The following SUMF1 variants were observed in gnomAD, a reference collection of about 807,000 sequenced individuals.
SUMF1 encodes sulfatase modifying factor 1.
In SUMF1, 48 loss-of-function variants were observed where a neutral mutation model predicts 47.6. That is an observed-to-expected ratio of 1.01 (90% CI 0.80 to 1.28). The LOEUF (loss-of-function observed/expected upper bound fraction) is 1.28. Ranked by LOEUF, SUMF1 falls within the 50% of genes most tolerant of loss-of-function variation. SUMF1 has a pLI of 0.00. For synonymous variants in SUMF1, 230 were observed against 192.1 expected, an observed-to-expected ratio of 1.20 and a Z score of -1.63; for missense variants, 571 against 485.4, an observed-to-expected ratio of 1.18 and a Z score of -1.66.
At chr3:4,243,489 A>G (rs1309096776) in intron 8 of SUMF1, among the ~76,000 whole-genome samples, 6 of 152,182 alleles carry the variant, frequency 3.9e-5, no homozygotes, top group Non-Finnish European at 8.8e-5. Context: ...TTCAAAGAAC[A>G]TCTTTATTTC....
intron 8 of SUMF1, among the ~76,000 whole-genome samples, chr3:4,339,970 G>C (rs144551421): frequency 6.6e-6 from 1 of 152,040 alleles, no homozygotes; most frequent in Admixed American, 6.5e-5. Context: ...CCAGCCACTC[G>C]GGAGGCTGAG....
chr3:4,440,300 G>C (rs1488478668), intron 3 of SUMF1, among the ~76,000 whole-genome samples: 1 of 148,184 alleles, frequency 6.7e-6, no homozygotes, highest in East Asian at 2.0e-4. Flanking sequence ...CATGTGTTTT[G>C]AGTTATTTTA....
At chr3:4,230,266 G>T (rs528218232) in intron 8 of SUMF1, among the ~76,000 whole-genome samples, 1 of 151,958 alleles carries the variant, frequency 6.6e-6, no homozygotes, top group Non-Finnish European at 1.5e-5. Context: ...GTTAAACTTC[G>T]CAGGTTTAAA....
intron 8 of SUMF1, among the ~76,000 whole-genome samples, chr3:4,284,776 G>A (rs544714685): frequency 2.3e-4 from 35 of 152,120 alleles, no homozygotes; most frequent in African/African-American, 8.2e-4. Context: ...AGAAGCATGG[G>A]GGGTAATTTG....
At chr3:4,335,870 G>C (rs1464189912) in intron 8 of SUMF1, among the ~76,000 whole-genome samples, 1 of 142,168 alleles carries the variant, frequency 7.0e-6, no homozygotes, top group African/African-American at 2.6e-5. Flanking sequence ...TGAGGCAGGA[G>C]AATTGCTTGA....
intron 8 of SUMF1, among the ~76,000 whole-genome samples, chr3:4,318,769 A>T (rs1193985722): frequency 2.0e-5 from 3 of 152,276 alleles, no homozygotes; most frequent in South Asian, 4.1e-4. Flanking sequence ...TAAGCTGGGC[A>T]TAGTGGCACA....
At chr3:4,067,754 G>A (rs1195391757) in intron 9 of SUMF1, among the ~76,000 whole-genome samples, 1 of 152,136 alleles carries the variant, frequency 6.6e-6, no homozygotes, top group Admixed American at 6.6e-5. Context: ...TCCTGCAGGT[G>A]CCCAGCCCTA....
intron 8 of SUMF1, among the ~76,000 whole-genome samples, chr3:4,370,749 T>A (rs1483253086): frequency 1.3e-5 from 2 of 152,236 alleles, no homozygotes; most frequent in Non-Finnish European, 2.9e-5. Context: ...CTATCAATTG[T>A]TTTCTTTAGA....
At chr3:4,389,708 T>C (rs1277120315) in intron 7 of SUMF1, among the ~76,000 whole-genome samples, 1 of 152,192 alleles carries the variant, frequency 6.6e-6, no homozygotes, top group Non-Finnish European at 1.5e-5. Context: ...TAGTTGACAG[T>C]TCACTGATTT....
In SUMF1 at chr3:4,376,326, T is replaced by C; in HGVS notation, c.1014+4A>G. On this transcript the variant is annotated splice_donor_region_variant and intron_variant, in intron 8 of 8. Transcript: ENST00000272902. The stretch of plus-strand genomic sequence containing the variant: ...CGGCAAAACAGTTTAGTGACATGAC[T>C]TACCCTATGGCACATGTAGGATCCA... 6.2e-7 allele frequency: 1 copy of C among 1,614,158 alleles called. No homozygotes were observed.
intron 9 of SUMF1, among the ~76,000 whole-genome samples, chr3:4,061,897 G>A (rs930009943): frequency 6.6e-6 from 1 of 152,070 alleles, no homozygotes; most frequent in African/African-American, 2.4e-5. Context: ...GCCGCTTTAG[G>A]CTACACTTAA....
chr3:4,076,043 A>G (rs868162253), intron 8 of SUMF1, among the ~76,000 whole-genome samples: 1 of 152,170 alleles, frequency 6.6e-6, no homozygotes, highest in East Asian at 1.9e-4. Flanking sequence ...GACAATCCTA[A>G]GCAAAAAGAA....
At chr3:4,287,638 G>A (rs528803822) in intron 8 of SUMF1, among the ~76,000 whole-genome samples, 2 of 152,270 alleles carry the variant, frequency 1.3e-5, no homozygotes, top group East Asian at 1.9e-4. Flanking sequence ...TTGAAACCAT[G>A]ACCTACCTAG....
chr3:4,408,603 G>C (rs1701444864), intron 7 of SUMF1, among the ~76,000 whole-genome samples: 1 of 152,164 alleles, frequency 6.6e-6, no homozygotes, highest in Non-Finnish European at 1.5e-5. Flanking sequence ...CAAGGTGTGA[G>C]GATTGCTTGA....
At chr3:4,173,849 G>A (rs1694891107) in intron 8 of SUMF1, among the ~76,000 whole-genome samples, 1 of 152,100 alleles carries the variant, frequency 6.6e-6, no homozygotes, top group African/African-American at 2.4e-5. Context: ...TGGACACAGG[G>A]AGGGGAACAT....
intron 8 of SUMF1, among the ~76,000 whole-genome samples, chr3:4,221,430 T>TGC (rs1696061762): frequency 6.6e-6 from 1 of 151,640 alleles, no homozygotes; most frequent in African/African-American, 2.4e-5. Flanking sequence ...TGTGTGTGTG[T>TGC]GTGTGTGTGT....
chr3:4,293,451 C>G (rs1697780148), intron 8 of SUMF1, among the ~76,000 whole-genome samples: 1 of 152,094 alleles, frequency 6.6e-6, no homozygotes, highest in Admixed American at 6.6e-5. Context: ...TTTTTAAAAG[C>G]CCGAAAAGAT....
intron 8 of SUMF1, among the ~76,000 whole-genome samples, chr3:4,250,920 G>T (rs1310471052): frequency 6.6e-6 from 1 of 152,182 alleles, no homozygotes; most frequent in East Asian, 1.9e-4. Context: ...ACAAGGAGAT[G>T]AATGTTGTTT....
Position 4,368,119 on chromosome 3 carries a change from T to C in SUMF1, c.1015-5865A>G, listed in dbSNP as rs9714036. ...AAGGGCTAATATTTAGAATCTACAA[T>C]GAAGTCTAACAAATTTACAAGAAAA... On this transcript the variant is annotated intron_variant, in intron 8 of 8. Transcript: ENST00000272902. Among the ~76,000 whole-genome samples, 61 of 152,196 alleles carry C rather than the reference T, an allele frequency of 4.0e-4. No individual in the cohort carries two copies. In the South Asian group the frequency reaches 0.012, roughly 31 times the overall value.
Sources: gnomAD v4.1 joint callset for allele counts (sites outside exome capture counted in the v4.1 genomes callset) on GRCh38, gnomAD v4.1.1 for gene constraint, MANE v1.5 for transcripts, NCBI Gene and HGNC (gene_info 2026-07-23, HGNC 2026-07-21) for gene names.